DNAH14: variants seen among roughly 807,000 people sequenced by gnomAD.
DNAH14 encodes dynein axonemal heavy chain 14.
A neutral mutation model predicts 520.9 loss-of-function variants in DNAH14; 478 were observed. The ratio of observed to expected loss-of-function variants is 0.92; its 90% confidence interval spans 0.85 to 0.99. The LOEUF is 0.99. DNAH14 is among the 50% of genes least tolerant of loss of function. DNAH14 has a pLI of 0.00. For synonymous variants in DNAH14, 1,581 were observed against 1,757.2 expected (o/e 0.90, Z 2.51); for missense variants, 4,831 against 5,234.5 (o/e 0.92, Z 2.38).
intron 17 of DNAH14, among the ~76,000 whole-genome samples, chr1:225,064,706 G>A (rs1174167740): frequency 2.0e-5 from 3 of 151,976 alleles, no homozygotes; most frequent in Non-Finnish European, 2.9e-5. Flanking sequence ...TATGAAACTT[G>A]ACAAGACAAA....
intron 36 of DNAH14, among the ~76,000 whole-genome samples, chr1:225,184,083 A>G (rs1430858604): frequency 6.6e-6 from 1 of 152,212 alleles, no homozygotes; most frequent in Non-Finnish European, 1.5e-5. Flanking sequence ...TAAAATCAGT[A>G]TTATCCTAAT....
At chr1:225,147,331 C>A in intron 31 of DNAH14, 82 bp downstream of exon 31, 1 of 1,327,976 alleles carries the variant, frequency 7.5e-7, no homozygotes, top group South Asian at 2.1e-5. Context: ...TAAATATTTT[C>A]CCCAATAAGT....
chr1:225,147,057 C>T (rs1275277896), intron 30 of DNAH14, 47 bp from the exon 31 acceptor site: 11 of 1,400,480 alleles, frequency 7.9e-6, no homozygotes, highest in Non-Finnish European at 1.1e-5. Context: ...TAAATTTTCT[C>T]ACCATTATAA....
intron 82 of DNAH14, among the ~76,000 whole-genome samples, 156 bp downstream of exon 82, chr1:225,388,647 T>C (rs762334419): frequency 2.0e-5 from 3 of 152,138 alleles, no homozygotes; most frequent in Non-Finnish European, 2.9e-5. Flanking sequence ...GCTGAGAAAG[T>C]GGGGACCTAA....
intron 18 of DNAH14, 120 bp from the exon 19 acceptor site, chr1:225,080,259 A>G (rs1163292674): frequency 2.0e-6 from 2 of 1,001,662 alleles, no homozygotes; most frequent in Non-Finnish European, 1.4e-6. Context: ...TGATAGTTCC[A>G]GTTTCACTCA....
rs35717452 is a variant in DNAH14, at chr1:225,076,807, T to A, written c.2425-2400T>A. On this transcript the variant is annotated intron_variant, in intron 17 of 85. Transcript: ENST00000682510. ...TAAATAAAATACCTTCTTTTTTTTTTATTATACTTTAAGTTCTAGGGTACA... is the reference window on the plus strand; with the variant it reads ...TAAATAAAATACCTTCTTTTTTTTTAATTATACTTTAAGTTCTAGGGTACA... Among the ~76,000 whole-genome samples the A allele has an allele frequency of 6.4e-3, 982 of 152,260 alleles. 6 individuals carry two copies. Among genetic ancestry groups the A allele is most frequent in the Non-Finnish European group, 0.01 (682 of 68,010 alleles).
intron 20 of DNAH14, among the ~76,000 whole-genome samples, chr1:225,084,049 A>T (rs6666025): frequency 0.043 from 6,533 of 152,182 alleles, 416 homozygotes; most frequent in African/African-American, 0.14. Flanking sequence ...AAGGGTTCCA[A>T]TGAGCTATTA....
At chr1:224,953,442 T>C (rs987937993) in intron 2 of DNAH14, among the ~76,000 whole-genome samples, 1 of 152,128 alleles carries the variant, frequency 6.6e-6, no homozygotes, top group Non-Finnish European at 1.5e-5. Context: ...AATTATAAAG[T>C]TTAATTGAGA....
At chr1:224,960,360 T>C in intron 4 of DNAH14, 58 bp downstream of exon 4, 2 of 1,424,342 alleles carry the variant, frequency 1.4e-6, no homozygotes, top group Non-Finnish European at 1.8e-6. Context: ...CAGATTATTC[T>C]GTGGTTTGTG....
At chr1:225,091,808 CA>C in intron 21 of DNAH14, among the ~76,000 whole-genome samples, 1 of 151,958 alleles carries the variant, frequency 6.6e-6, no homozygotes, top group East Asian at 1.9e-4. Context: ...GACCCAATAA[CA>C]TACTGTCTTC....
chr1:225,303,102 T>A, intron 56 of DNAH14, 54 bp from the exon 57 acceptor site: 5 of 1,240,830 alleles, frequency 4.0e-6, no homozygotes, highest in Middle Eastern at 2.8e-4. Context: ...AATATAATAT[T>A]TTTTCAAAAC....
intron 38 of DNAH14, among the ~76,000 whole-genome samples, chr1:225,199,639 T>C (rs2086571201): frequency 6.6e-6 from 1 of 152,190 alleles, no homozygotes; most frequent in Non-Finnish European, 1.5e-5. Context: ...TGTATTTGCA[T>C]GGTTTTGAAG....
chr1:225,028,144 T>G (rs762613047), intron 11 of DNAH14, among the ~76,000 whole-genome samples: 1 of 152,118 alleles, frequency 6.6e-6, no homozygotes, highest in Non-Finnish European at 1.5e-5. Flanking sequence ...ACTCACCTCA[T>G]AGAATGAATT....
intron 17 of DNAH14, among the ~76,000 whole-genome samples, chr1:225,053,885 T>G (rs1446602123): frequency 6.6e-6 from 1 of 152,194 alleles, no homozygotes; most frequent in Non-Finnish European, 1.5e-5. Context: ...CAGAAACAAG[T>G]GGTTGTTGAA....
At chr1:225,070,834 T>C (rs1428356904) in intron 17 of DNAH14, among the ~76,000 whole-genome samples, 2 of 152,098 alleles carry the variant, frequency 1.3e-5, no homozygotes, top group African/African-American at 4.8e-5. Flanking sequence ...GCAAGGTCTC[T>C]AGAAACTTTC....
intron 54 of DNAH14, among the ~76,000 whole-genome samples, chr1:225,280,472 G>A (rs1321862353): frequency 6.6e-6 from 1 of 151,908 alleles, no homozygotes; most frequent in African/African-American, 2.4e-5. Context: ...GGTGGTGGGT[G>A]CCTGTAGTCC....
At chr1:225,143,402 T>C (rs971447274) in intron 28 of DNAH14, among the ~76,000 whole-genome samples, 2 of 152,150 alleles carry the variant, frequency 1.3e-5, no homozygotes, top group African/African-American at 4.8e-5. Flanking sequence ...TTTAAATTTT[T>C]CTTTTATTTT....
intron 41 of DNAH14, among the ~76,000 whole-genome samples, chr1:225,223,605 G>T (rs1330968610): frequency 6.6e-6 from 1 of 152,142 alleles, no homozygotes; most frequent in African/African-American, 2.4e-5. Context: ...AACCTATGGG[G>T]CCTCTTTAAC....
chr1:224,941,904 TA>T (rs1303738588), intron 1 of DNAH14, among the ~76,000 whole-genome samples: 3 of 152,170 alleles, frequency 2.0e-5, no homozygotes, highest in Non-Finnish European at 4.4e-5. Context: ...CTGTTTTGGT[TA>T]CTGTAGCCTT....
Sources: gnomAD v4.1 joint callset for allele counts (sites outside exome capture counted in the v4.1 genomes callset) on GRCh38, gnomAD v4.1.1 for gene constraint, MANE v1.5 for transcripts, NCBI Gene and HGNC (gene_info 2026-07-23, HGNC 2026-07-21) for gene names.